DDX60: variants seen among roughly 807,000 people sequenced by gnomAD.
DDX60 encodes the protein probable ATP-dependent RNA helicase DDX60.
Under a neutral mutation model 212.8 loss-of-function variants are expected in DDX60, and 165 were observed. That is an observed-to-expected ratio of 0.78 (90% confidence interval 0.68 to 0.88). DDX60 has a LOEUF of 0.88. Among genes scored for constraint, DDX60 ranks in the 40% least tolerant of loss-of-function variants. DDX60 has a pLI of 0.00. For synonymous variants in DDX60, 703 were observed against 685.3 expected, an observed-to-expected ratio of 1.03 and a Z score of -0.40; for missense variants, 1,905 against 2,003.9, an observed-to-expected ratio of 0.95 and a Z score of 0.94.
intron 37 of DDX60, among the ~76,000 whole-genome samples, chr4:168,220,205 G>A (rs559825806): frequency 8.5e-5 from 13 of 152,086 alleles, no homozygotes; most frequent in Non-Finnish European, 1.6e-4. Flanking sequence ...AGAGTCAGAC[G>A]GAGCCTGGAG....
chr4:168,294,104 A>G (rs1736235126), intron 6 of DDX60, among the ~76,000 whole-genome samples, 159 bp from the exon 7 acceptor site: 1 of 152,208 alleles, frequency 6.6e-6, no homozygotes, highest in South Asian at 2.1e-4. Flanking sequence ...TAAAAAACCT[A>G]CACATATACC....
intron 27 of DDX60, 123 bp downstream of exon 27, chr4:168,252,386 G>T: frequency 1.7e-6 from 2 of 1,182,576 alleles, no homozygotes; most frequent in Non-Finnish European, 2.4e-6. Flanking sequence ...GTTCTCTTTT[G>T]GTAGGGATTG....
intron 3 of DDX60, among the ~76,000 whole-genome samples, chr4:168,308,430 T>C (rs1233852785): frequency 2.0e-5 from 3 of 152,080 alleles, no homozygotes; most frequent in Non-Finnish European, 4.4e-5. Flanking sequence ...TCCAAAGCCA[T>C]GTGGCACAGC....
rs751233977 is a variant in DDX60, at chr4:168,268,980, A to C, written c.2671-11T>G. 2 of 808,538 alleles carry C rather than the reference A, an allele frequency of 2.5e-6. No homozygotes were observed. 50.1% of individuals were successfully genotyped at this position (808,538 alleles called of 1,614,324 possible). A position where few individuals can be genotyped will look rare whatever the true frequency, so the allele number is the denominator to read the frequency against. On this transcript the variant is annotated splice_polypyrimidine_tract_variant and intron_variant, in intron 19 of 37. Transcript: ENST00000393743. ...ACCAAGACAATGAACCTATTAAACA[A>C]AAAAAAAAAAATCTCAACTGAAAAG...
intron 33 of DDX60, among the ~76,000 whole-genome samples, chr4:168,230,088 A>C (rs1733392387): frequency 6.6e-6 from 1 of 152,072 alleles, no homozygotes; most frequent in Non-Finnish European, 1.5e-5. Context: ...TATCAGACAA[A>C]ACAGATTTAA....
At chr4:168,255,615 A>G (rs1268969535) in intron 26 of DDX60, 96 bp downstream of exon 26, 1 of 1,091,402 alleles carries the variant, frequency 9.2e-7, no homozygotes, top group Non-Finnish European at 1.3e-6. Context: ...CGACAACTAG[A>G]ACTTATTTAT....
chr4:168,252,497 G>C lies in DDX60; in HGVS notation c.3705+12C>G. ...AAATAGTTTGGAGAACGATCAGGTT[G>C]TAAGTGCTGACCTCAGTGTCCACTG... On this transcript the variant is annotated intron_variant, in intron 27 of 37. Coordinates refer to ENST00000393743, the MANE Select transcript of DDX60 (RefSeq NM_017631.6). 1.2e-6 allele frequency: 2 copies of C among 1,612,756 alleles called. No homozygotes were observed. Among genetic ancestry groups the C allele is most frequent in the South Asian group, 1.1e-5 (1 of 90,494 alleles).
intron 14 of DDX60, among the ~76,000 whole-genome samples, chr4:168,278,319 A>G (rs1230175905): frequency 6.6e-6 from 1 of 152,218 alleles, no homozygotes; most frequent in Non-Finnish European, 1.5e-5. Context: ...TTTTGGACAC[A>G]GTGTTTGATA....
chr4:168,282,778 T>A (rs1253917309), intron 13 of DDX60, among the ~76,000 whole-genome samples: 1 of 152,160 alleles, frequency 6.6e-6, no homozygotes, highest in Non-Finnish European at 1.5e-5. Context: ...AAAATATCTG[T>A]ACTTAGACAT....
chr4:168,325,468 C>T, the DDX60 span, among the ~76,000 whole-genome samples: 2 of 152,010 alleles, frequency 1.3e-5, no homozygotes, highest in Non-Finnish European at 2.9e-5. Flanking sequence ...AGAAATAAAC[C>T]TATGGTATTA....
intron 19 of DDX60, among the ~76,000 whole-genome samples, chr4:168,269,676 C>T (rs1305369567): frequency 6.6e-6 from 1 of 152,088 alleles, no homozygotes; most frequent in Admixed American, 6.5e-5. Flanking sequence ...CTTCCCTTTG[C>T]ATGTGAAATA....
chr4:168,296,373 G>A (rs970617200), intron 6 of DDX60, among the ~76,000 whole-genome samples: 1 of 151,994 alleles, frequency 6.6e-6, no homozygotes, highest in Non-Finnish European at 1.5e-5. Context: ...ACAGGTTTGG[G>A]AAAGAAAAGG....
Position 168,237,769 on chromosome 4 carries a change from C to A in DDX60, c.4191G>T (p.Leu1397Phe). The A allele has an allele frequency of 6.2e-7, 1 of 1,611,430 alleles. No homozygotes were observed. Among genetic ancestry groups the A allele is most frequent in the Non-Finnish European group, 8.5e-7 (1 of 1,178,664 alleles). Reference protein sequence around the residue: ...AKVLSVLKHSLLSFKQPRVMD... With the variant: ...AKVLSVLKHSFLSFKQPRVMD... The stretch of plus-strand genomic sequence containing the variant: ...TGACTCTGGGTTGCTTGAAGGACAG[C>A]AATGAATGCTTTAGCACTGATAGCA... Residue 1397 changes from leucine (L) to phenylalanine (F), a missense_variant, in exon 31 of 38, where the codon TTG becomes TTT. By Grantham distance (22) the Leu-to-Phe change is conservative. Transcript: ENST00000393743.
At chr4:168,219,470 T>C (rs1223486958) in intron 37 of DDX60, among the ~76,000 whole-genome samples, 2 of 152,066 alleles carry the variant, frequency 1.3e-5, no homozygotes, top group African/African-American at 4.8e-5. Flanking sequence ...GCTCTGGAGA[T>C]AATAACTTCA....
intron 28 of DDX60, among the ~76,000 whole-genome samples, chr4:168,250,661 G>T (rs1022409067): frequency 3.3e-5 from 5 of 150,914 alleles, no homozygotes; most frequent in Non-Finnish European, 5.9e-5. Context: ...GAATAGCTGG[G>T]ATTACAGGCA....
chr4:168,299,776 T>A (rs1003628653), intron 6 of DDX60, among the ~76,000 whole-genome samples: 7 of 152,066 alleles, frequency 4.6e-5, no homozygotes, highest in Admixed American at 6.5e-5. Flanking sequence ...AAGAAGTCAA[T>A]TGCCATGGAA....
At chr4:168,233,906 T>A (rs1479876781) in intron 33 of DDX60, among the ~76,000 whole-genome samples, 1 of 152,082 alleles carries the variant, frequency 6.6e-6, no homozygotes, top group Non-Finnish European at 1.5e-5. Context: ...CGGAAAAGTA[T>A]CTTTGATATA....
intron 6 of DDX60, among the ~76,000 whole-genome samples, chr4:168,297,638 T>A (rs998203479): frequency 6.6e-6 from 1 of 152,104 alleles, no homozygotes; most frequent in African/African-American, 2.4e-5. Flanking sequence ...AAAACAAAAC[T>A]GGGCCAGGTG....
chr4:168,273,325 C>T lies in DDX60; in HGVS notation c.2528G>A (p.Cys843Tyr), dbSNP rs1735183558. Residue 843 changes from cysteine to tyrosine, a missense_variant, in exon 18 of 38, where the codon TGT (cysteine) becomes TAT (tyrosine). Transcript: ENST00000393743. ...TKNLPSGEVL[C>Y]GVFTREYRHD... The stretch of plus-strand genomic sequence containing the variant: ...ACGATACTCCCTGGTGAAAACACCA[C>T]AGAGAACTTCACCACTTGGCAGATT... 1 of 1,613,834 alleles carries T rather than the reference C, an allele frequency of 6.2e-7. No homozygotes were observed. The highest frequency in any genetic ancestry group is 8.5e-7 in the Non-Finnish European group (1 of 1,179,886).
Sources: gnomAD v4.1 joint callset for allele counts (sites outside exome capture counted in the v4.1 genomes callset) on GRCh38, gnomAD v4.1.1 for gene constraint, MANE v1.5 for transcripts, NCBI Gene and HGNC (gene_info 2026-07-23, HGNC 2026-07-21) for gene names.